PTGES3: variants seen among roughly 807,000 people sequenced by gnomAD.
PTGES3 encodes the protein prostaglandin E synthase 3.
PTGES3 carries 5 observed loss-of-function variants against 29.9 expected under a neutral mutation model. The observed-to-expected ratio is 0.17, with a 90% CI of 0.09 to 0.35. The LOEUF (loss-of-function observed/expected upper bound fraction) is 0.35. Among genes scored for constraint, PTGES3 ranks in the 10% least tolerant of loss-of-function variants. PTGES3 has a pLI of 1.00. For missense variants in PTGES3, 128 were observed against 190.0 expected (o/e 0.67, Z 1.92); for synonymous variants, 49 against 57.8 (o/e 0.85, Z 0.69).
At chr12:56,686,477 G>A (rs1952861037) in intron 1 of PTGES3, among the ~76,000 whole-genome samples, 2 of 152,000 alleles carry the variant, frequency 1.3e-5, no homozygotes, top group Non-Finnish European at 2.9e-5. Flanking sequence ...AGATTCAAGC[G>A]ATTCTCCTAA....
At chr12:56,687,523 G>A (rs1952934658) in intron 1 of PTGES3, 1 of 1,002,550 alleles carries the variant, frequency 1.0e-6, no homozygotes, top group Non-Finnish European at 1.2e-6. Flanking sequence ...GGTCCGCGTG[G>A]GGCTCTCCCA....
chr12:56,675,437 T>C (rs907995754), intron 1 of PTGES3, among the ~76,000 whole-genome samples: 1 of 150,028 alleles, frequency 6.7e-6, no homozygotes, highest in Non-Finnish European at 1.5e-5. Flanking sequence ...TTTAAATGTA[T>C]ATTTTTAAAA....
chr12:56,683,852 G>A (rs1168096594), intron 1 of PTGES3, among the ~76,000 whole-genome samples: 9 of 149,246 alleles, frequency 6.0e-5, no homozygotes, highest in Non-Finnish European at 1.0e-4. Context: ...CCAGCTACTC[G>A]GGAGGCTGAG....
At chr12:56,684,346 A>T (rs905803470) in intron 1 of PTGES3, among the ~76,000 whole-genome samples, 1 of 152,208 alleles carries the variant, frequency 6.6e-6, no homozygotes, top group African/African-American at 2.4e-5. Flanking sequence ...TGAACACAGG[A>T]AGAAAAATTA....
At chr12:56,670,161 A>G in intron 5 of PTGES3, 114 bp downstream of exon 5, 1 of 675,044 alleles carries the variant, frequency 1.5e-6, no homozygotes, top group Non-Finnish European at 2.6e-6. Flanking sequence ...TGGTCTTAAA[A>G]ATAAAATAAC....
At chr12:56,677,957 A>G (rs985463645) in intron 1 of PTGES3, among the ~76,000 whole-genome samples, 1 of 152,192 alleles carries the variant, frequency 6.6e-6, no homozygotes, top group Admixed American at 6.6e-5. Flanking sequence ...GTTTATTCAG[A>G]AAGTTTTATA....
chr12:56,683,712 C>A lies in PTGES3; in HGVS notation c.2+4286G>T, dbSNP rs557340331. 2.6e-5 allele frequency among the ~76,000 whole-genome samples: 4 copies of A among 151,428 alleles called. No homozygotes were observed. The South Asian group carries it at 8.3e-4, about 31-fold the overall frequency. ...CGGTGGCTCACGCCTGTAATCCCAGCACTTTGGGAGGCCGAGGCAGGCGGA... is the reference window on the plus strand; with the variant it reads ...CGGTGGCTCACGCCTGTAATCCCAGAACTTTGGGAGGCCGAGGCAGGCGGA... On this transcript the variant is annotated intron_variant, in intron 1 of 7. Coordinates refer to ENST00000262033, the MANE Select transcript of PTGES3 (RefSeq NM_006601.7).
At chr12:56,676,213 G>A (rs1211406242) in intron 1 of PTGES3, among the ~76,000 whole-genome samples, 3 of 135,498 alleles carry the variant, frequency 2.2e-5, no homozygotes, top group African/African-American at 8.7e-5. Flanking sequence ...GCAACAGAGA[G>A]AGGCTGTGTC....
rs1055289339 is a variant in PTGES3, at chr12:56,670,468, T to C, written c.286-104A>G. 2.2e-5 allele frequency: 18 copies of C among 806,134 alleles called. No homozygotes were observed. In the African/African-American group the frequency reaches 2.7e-4, roughly 12 times the overall value. 49.9% of individuals were successfully genotyped at this position (806,134 alleles called of 1,614,324 possible). A position where few individuals can be genotyped will look rare whatever the true frequency, so the allele number is the denominator to read the frequency against. On this transcript the variant is annotated intron_variant, in intron 4 of 7. Transcript: ENST00000262033. ...CTTCTAAAGAGACCAGGTCTTGCTA[T>C]GTTGCCCAGGCTGGAGTGCAGCAAG... is the stretch of plus-strand genomic sequence containing the variant.
intron 1 of PTGES3, among the ~76,000 whole-genome samples, chr12:56,678,609 G>C (rs1285589904): frequency 6.6e-6 from 1 of 152,054 alleles, no homozygotes; most frequent in Non-Finnish European, 1.5e-5. Context: ...TATAGTGAAG[G>C]GTGCTTGCAG....
intron 1 of PTGES3, chr12:56,687,009 A>C: frequency 3.9e-6 from 1 of 254,122 alleles, no homozygotes; most frequent in Non-Finnish European, 7.3e-6. Flanking sequence ...TCCCGTCAAA[A>C]AAAAAAAAAA....
chr12:56,687,676 G>T (rs1270522775), intron 1 of PTGES3: 2 of 1,269,554 alleles, frequency 1.6e-6, no homozygotes, highest in Non-Finnish European at 2.0e-6. Flanking sequence ...GGCGCCGCAT[G>T]GCGAGCAGCT....
intron 1 of PTGES3, among the ~76,000 whole-genome samples, chr12:56,679,412 A>T (rs1952424564): frequency 6.9e-6 from 1 of 144,572 alleles, no homozygotes; most frequent in Admixed American, 6.7e-5. Context: ...CTGCCTCAAA[A>T]AAAAAAAAAA....
intron 3 of PTGES3, 113 bp downstream of exon 3, chr12:56,672,627 T>C: frequency 1.1e-5 from 13 of 1,203,806 alleles, no homozygotes; most frequent in Non-Finnish European, 1.3e-5. Context: ...TAAATATACA[T>C]AGTTTGCCTC....
chr12:56,671,013 G>C (rs1250782393), intron 4 of PTGES3, among the ~76,000 whole-genome samples: 1 of 152,144 alleles, frequency 6.6e-6, no homozygotes, highest in African/African-American at 2.4e-5. Flanking sequence ...GAGAGGTGAG[G>C]TGGGTGGGAG....
chr12:56,687,939 C>G, intron 1 of PTGES3, 59 bp downstream of exon 1: 1 of 1,603,560 alleles, frequency 6.2e-7, no homozygotes, highest in Non-Finnish European at 8.5e-7. Context: ...TTCCAGGGAG[C>G]CCCCAACGCG....
chr12:56,675,937 A>G (rs1189848723), intron 1 of PTGES3, among the ~76,000 whole-genome samples: 2 of 151,718 alleles, frequency 1.3e-5, no homozygotes, highest in Admixed American at 1.3e-4. Flanking sequence ...CACAACACAA[A>G]AACTGCAGAC....
At chr12:56,679,385 G>A (rs1952420976) in intron 1 of PTGES3, among the ~76,000 whole-genome samples, 1 of 140,842 alleles carries the variant, frequency 7.1e-6, no homozygotes, top group South Asian at 2.3e-4. Context: ...CCCCAGCCTG[G>A]GCAACAGAGT....
intron 1 of PTGES3, chr12:56,687,147 C>T: frequency 1.1e-6 from 1 of 915,560 alleles, no homozygotes; most frequent in South Asian, 5.6e-5. Context: ...AATCTGTATT[C>T]ACCTCCACAC....
Sources: allele counts gnomAD v4.1 joint callset (sites outside exome capture counted in the v4.1 genomes callset), GRCh38; gene constraint gnomAD v4.1.1; transcripts MANE v1.5; gene names NCBI Gene and HGNC (gene_info 2026-07-23, HGNC 2026-07-21).